The following NBAS variants were observed in gnomAD, a reference collection of about 807,000 sequenced individuals.
NBAS encodes the protein NAG/BC035112 fusion.
In NBAS, 219 loss-of-function variants were observed where a neutral mutation model predicts 302.5. The ratio of observed to expected loss-of-function variants is 0.72; its 90% CI spans 0.65 to 0.81. The LOEUF is 0.81. Among genes scored for constraint, NBAS ranks in the 30% least tolerant of loss-of-function variants. The pLI is 0.00. For synonymous variants in NBAS, 1,118 were observed against 1,021.6 expected, an observed-to-expected ratio of 1.09 and a Z score of -1.80; for missense variants, 2,932 against 2,841.6, an observed-to-expected ratio of 1.03 and a Z score of -0.72.
chr2:15,359,955 A>G (rs1673815157), intron 32 of NBAS, among the ~76,000 whole-genome samples: 1 of 152,190 alleles, frequency 6.6e-6, no homozygotes, highest in African/African-American at 2.4e-5. Context: ...CCTACTACAT[A>G]CCTAGGCTAT....
chr2:14,961,066 G>C, the NBAS span, among the ~76,000 whole-genome samples: 3 of 152,202 alleles, frequency 2.0e-5, no homozygotes, highest in East Asian at 5.8e-4. Flanking sequence ...AGCTGGCCTG[G>C]AATTCCTCTT....
Position 15,385,430 on chromosome 2 carries a change from G to A in NBAS, c.3258-2113C>T, listed in dbSNP as rs549458409. Among the ~76,000 whole-genome samples, 7 of 152,232 alleles carry A rather than the reference G, an allele frequency of 4.6e-5. No homozygotes were observed. The East Asian group carries it at 9.6e-4, about 21-fold the overall frequency. On this transcript the variant is annotated intron_variant, in intron 28 of 51. Transcript: ENST00000281513. ...GGGCAGATGGTACTAATGTTTTCTC[G>A]CACATGGCTAGCTGTAAGTACAGGT... is the stretch of plus-strand genomic sequence containing the variant.
At chr2:14,842,727 C>G in the NBAS span, among the ~76,000 whole-genome samples, 32 of 150,822 alleles carry the variant, frequency 2.1e-4, no homozygotes, top group Non-Finnish European at 4.1e-4. Context: ...TGAATTCTAC[C>G]AAACATTTAA....
At chr2:14,797,813 C>A in the NBAS span, among the ~76,000 whole-genome samples, 138 of 152,252 alleles carry the variant, frequency 9.1e-4, no homozygotes, top group Non-Finnish European at 2.1e-4. Flanking sequence ...GAGGCCCAGG[C>A]AGGGGCACCA....
the NBAS span, among the ~76,000 whole-genome samples, chr2:14,898,472 T>G: frequency 6.6e-6 from 1 of 152,234 alleles, no homozygotes; most frequent in Non-Finnish European, 1.5e-5. Context: ...TCTGTGTTTC[T>G]AAGCCGCATA....
intron 10 of NBAS, among the ~76,000 whole-genome samples, chr2:15,510,062 C>T (rs2148646301): frequency 6.6e-6 from 1 of 152,276 alleles, no homozygotes; most frequent in East Asian, 1.9e-4. Context: ...GTTGCTCAGG[C>T]TGGTCTTGAA....
the NBAS span, among the ~76,000 whole-genome samples, chr2:14,874,378 G>T: frequency 1.3e-5 from 2 of 151,220 alleles, no homozygotes; most frequent in African/African-American, 4.9e-5. Context: ...TGTAATCCCA[G>T]CACTTTGGGA....
the NBAS span, among the ~76,000 whole-genome samples, chr2:14,887,018 A>G: frequency 6.6e-6 from 1 of 152,206 alleles, no homozygotes; most frequent in African/African-American, 2.4e-5. Context: ...ACCTTCTTAA[A>G]TTGATTGACA....
chr2:15,047,361 G>A, the NBAS span, among the ~76,000 whole-genome samples: 128 of 152,358 alleles, frequency 8.4e-4, no homozygotes, highest in African/African-American at 3.0e-3. Flanking sequence ...CTGGGCCCAC[G>A]CAGGAAGGCG....
the NBAS span, among the ~76,000 whole-genome samples, chr2:15,100,914 A>G: frequency 6.6e-6 from 1 of 152,320 alleles, no homozygotes; most frequent in African/African-American, 2.4e-5. Flanking sequence ...GTTTCAATAG[A>G]TTTTGGGTGC....
chr2:15,068,053 G>A, the NBAS span, among the ~76,000 whole-genome samples: 1 of 152,154 alleles, frequency 6.6e-6, no homozygotes, highest in Non-Finnish European at 1.5e-5. Context: ...TTCTAGAATT[G>A]TTCTAATTAT....
At chr2:15,422,986 C>T (rs1361798286) in intron 23 of NBAS, among the ~76,000 whole-genome samples, 5 of 152,150 alleles carry the variant, frequency 3.3e-5, no homozygotes, top group Admixed American at 2.6e-4. Context: ...CATACAGTGC[C>T]ACTGGAGTCT....
At chr2:15,189,060 G>A (rs1665220239) in intron 49 of NBAS, among the ~76,000 whole-genome samples, 1 of 152,026 alleles carries the variant, frequency 6.6e-6, no homozygotes, top group Non-Finnish European at 1.5e-5. Flanking sequence ...AGCACCCCAG[G>A]CTCCGAAGGC....
intron 12 of NBAS, among the ~76,000 whole-genome samples, chr2:15,478,860 C>T (rs1572907734): frequency 6.6e-6 from 1 of 152,136 alleles, no homozygotes; most frequent in Admixed American, 6.5e-5. Context: ...TATAACAGCA[C>T]ATTGATATCT....
In NBAS at chr2:15,495,396, A is replaced by G. The variant is rs562570538; in HGVS notation, c.955-6374T>C. ...TACATGGACACAAAAGGACAAAAGA[A>G]TAAAGGAAACACCACTATAAAGATG... On this transcript the variant is annotated intron_variant, in intron 11 of 51. Transcript: ENST00000281513. 7.2e-4 allele frequency among the ~76,000 whole-genome samples: 110 copies of G among 152,358 alleles called. 1 individual carries two copies. The highest frequency in any genetic ancestry group is 2.5e-3 in the African/African-American group (102 of 41,586).
the NBAS span, among the ~76,000 whole-genome samples, chr2:15,058,082 C>G: frequency 6.6e-6 from 1 of 152,180 alleles, no homozygotes; most frequent in African/African-American, 2.4e-5. Context: ...ATCCAGCAAT[C>G]CCACTACTGG....
chr2:15,527,818 A>G (rs1199793349), intron 9 of NBAS, among the ~76,000 whole-genome samples: 1 of 152,356 alleles, frequency 6.6e-6, no homozygotes, highest in South Asian at 2.1e-4. Flanking sequence ...GTATAGCAGT[A>G]ACATATAAGA....
chr2:14,964,160 C>A, the NBAS span, among the ~76,000 whole-genome samples: 2 of 152,086 alleles, frequency 1.3e-5, no homozygotes, highest in Non-Finnish European at 2.9e-5. Context: ...ACCAGGCATG[C>A]AAAGCAGCAG....
rs115262634 is a variant in NBAS, at chr2:15,368,138, T to C, written c.3704-1445A>G. Among the ~76,000 whole-genome samples the C allele has an allele frequency of 4.9e-3, 748 of 151,170 alleles. 11 individuals are homozygous for C. The highest frequency in any genetic ancestry group is 0.017 in the African/African-American group (693 of 41,200). On this transcript the variant is annotated intron_variant, in intron 31 of 51. Coordinates refer to ENST00000281513, the MANE Select transcript of NBAS (RefSeq NM_015909.4). ...GAACCATTTGAGAATAAGTTGCAAATAACATTTCTCTTTATTGCTAAATAC... is the reference window on the plus strand; with the variant it reads ...GAACCATTTGAGAATAAGTTGCAAACAACATTTCTCTTTATTGCTAAATAC...
Sources: gnomAD v4.1 joint callset for allele counts (sites outside exome capture counted in the v4.1 genomes callset) on GRCh38, gnomAD v4.1.1 for gene constraint, MANE v1.5 for transcripts, NCBI Gene and HGNC (gene_info 2026-07-23, HGNC 2026-07-21) for gene names.